The following NUCB2 variants were observed in gnomAD, a reference collection of about 807,000 sequenced individuals.
NUCB2 encodes the protein nucleobindin 2.
A neutral mutation model predicts 57.9 loss-of-function variants in NUCB2; 48 were observed. The observed-to-expected ratio is 0.83, with a 90% confidence interval of 0.66 to 1.05. The LOEUF (loss-of-function observed/expected upper bound fraction) is 1.05. NUCB2 is among the 50% of genes least tolerant of loss of function. The probability of loss-of-function intolerance (pLI) is 0.00; values close to 1 mark genes in which losing one functional copy is unlikely to be tolerated. For synonymous variants in NUCB2, 139 were observed against 152.1 expected, an observed-to-expected ratio of 0.91 and a Z score of 0.64; for missense variants, 442 against 476.2, an observed-to-expected ratio of 0.93 and a Z score of 0.67.
At chr11:17,339,045 T>G (rs1343731479) in intron 2 of NUCB2, among the ~76,000 whole-genome samples, 6 of 152,068 alleles carry the variant, frequency 3.9e-5, no homozygotes. Context: ...TGGAGTGCAG[T>G]GGCGCAATCT....
At chr11:17,317,717 C>A in intron 11 of NUCB2, 1 of 176,132 alleles carries the variant, frequency 5.7e-6, no homozygotes, top group South Asian at 1.1e-4. Flanking sequence ...GTAATGGTAG[C>A]TTTGATCATT....
In NUCB2 at chr11:17,348,512, A is replaced by AT. The variant is rs1192434728; in HGVS notation, n.2627-825dup. On this transcript the variant is annotated intron_variant and non_coding_transcript_variant, in intron 2 of 2. Coordinates refer to the NUCB2 transcript ENST00000532240. ...ACCACCACACCCAGCTAATATCTTG[A>AT]TTTTTTTTGTGGAGATGGGGCCTCA... Among the ~76,000 whole-genome samples the AT allele has an allele frequency of 1.3e-4, 19 of 150,556 alleles. No homozygotes were observed. In the East Asian group the frequency reaches 2.1e-3, roughly 17 times the overall value.
chr11:17,333,708 A>G (rs1157063809), downstream of NUCB2: 1 of 152,156 alleles, frequency 6.6e-6, no homozygotes. Flanking sequence ...GAAAATTCTT[A>G]AGGGAAGGTT....
At chr11:17,328,096 C>T (rs569194018) in intron 11 of NUCB2, among the ~76,000 whole-genome samples, 11 of 152,304 alleles carry the variant, frequency 7.2e-5, no homozygotes, top group Admixed American at 1.3e-4. Context: ...AGGTATTCCA[C>T]GGGACTTGGG....
At chr11:17,291,961 A>G (rs892927751) in intron 2 of NUCB2, among the ~76,000 whole-genome samples, 1 of 152,178 alleles carries the variant, frequency 6.6e-6, no homozygotes, top group South Asian at 2.1e-4. Flanking sequence ...GTTTAAAGGC[A>G]TTTACAAGTC....
At chr11:17,329,969 C>T (rs540782297) in intron 11 of NUCB2, among the ~76,000 whole-genome samples, 158 bp from the exon 12 acceptor site, 1 of 152,242 alleles carries the variant, frequency 6.6e-6, no homozygotes, top group South Asian at 2.1e-4. Context: ...CAAATGAGTA[C>T]ATAAATATAT....
chr11:17,316,351 A>T (rs1949244946), intron 11 of NUCB2, among the ~76,000 whole-genome samples: 2 of 152,240 alleles, frequency 1.3e-5, no homozygotes, highest in South Asian at 4.1e-4. Context: ...TTAAAAATTT[A>T]ACAATATTTC....
chr11:17,289,614 A>G (rs879897310), intron 2 of NUCB2, among the ~76,000 whole-genome samples: 7 of 152,214 alleles, frequency 4.6e-5, no homozygotes, highest in Non-Finnish European at 1.0e-4. Flanking sequence ...GCCACCATCC[A>G]TCAACCCCAT....
intron 11 of NUCB2, chr11:17,317,681 G>A: frequency 4.3e-6 from 1 of 232,598 alleles, no homozygotes; most frequent in Admixed American, 4.5e-5. Context: ...CTATTAGAAG[G>A]CACATGTTGA....
At chr11:17,338,860 C>T (rs928002156) in intron 2 of NUCB2, among the ~76,000 whole-genome samples, 9 of 152,112 alleles carry the variant, frequency 5.9e-5, no homozygotes, top group African/African-American at 2.2e-4. Flanking sequence ...GATGGGGTTT[C>T]ACCATGGTGG....
chr11:17,315,384 A>G lies in NUCB2; in HGVS notation c.913-2A>G, dbSNP rs570712491. ...ATTATGTATACATTTTGTTTTAATC[A>G]GGTTGATACTAACAAAGACAGATTG... On this transcript the variant is annotated splice_acceptor_variant, in intron 10 of 13. Transcript: ENST00000529010. LOFTEE classifies it high-confidence loss of function. 3 of 1,566,444 alleles carry G rather than the reference A, an allele frequency of 1.9e-6. No individual in the cohort carries two copies. Among genetic ancestry groups the G allele is most frequent in the African/African-American group, 2.7e-5 (2 of 73,718 alleles).
At chr11:17,282,242 A>G (rs393405) in intron 1 of NUCB2, among the ~76,000 whole-genome samples, 1,909 of 119,532 alleles carry the variant, frequency 0.016, 26 homozygotes, top group African/African-American at 0.028. Flanking sequence ...CTATCTATAT[A>G]TATATATATA....
chr11:17,281,773 C>T (rs748672723), intron 1 of NUCB2, among the ~76,000 whole-genome samples: 1 of 151,946 alleles, frequency 6.6e-6, no homozygotes, highest in South Asian at 2.1e-4. Context: ...GATTACTCTC[C>T]TGCATAGATT....
intron 2 of NUCB2, among the ~76,000 whole-genome samples, chr11:17,343,542 T>C (rs1952465690): frequency 6.6e-6 from 1 of 152,210 alleles, no homozygotes; most frequent in African/African-American, 2.4e-5. Flanking sequence ...TTTGGCCTAT[T>C]TTGCTTCCAT....
At chr11:17,311,101 G>T in intron 7 of NUCB2, 91 bp downstream of exon 7, 1 of 1,409,376 alleles carries the variant, frequency 7.1e-7, no homozygotes, top group East Asian at 2.3e-5. Context: ...CTTAAATCTT[G>T]ATTCTTCTGC....
intron 2 of NUCB2, among the ~76,000 whole-genome samples, chr11:17,342,868 T>G (rs943565541): frequency 2.0e-5 from 3 of 152,206 alleles, no homozygotes; most frequent in African/African-American, 7.2e-5. Flanking sequence ...TGGATATCCC[T>G]GTTAACTTTC....
chr11:17,319,393 C>T (rs938672681), intron 11 of NUCB2, among the ~76,000 whole-genome samples: 14 of 152,160 alleles, frequency 9.2e-5, no homozygotes, highest in African/African-American at 3.4e-4. Context: ...ATGTTCAAGG[C>T]TTACCTTATT....
intron 2 of NUCB2, among the ~76,000 whole-genome samples, chr11:17,293,355 G>T (rs1430209782): frequency 2.6e-5 from 4 of 152,006 alleles, no homozygotes; most frequent in African/African-American, 9.7e-5. Context: ...CTTATTTATG[G>T]TAGTCTTGGC....
At chr11:17,316,278 T>A (rs1176790816) in intron 11 of NUCB2, among the ~76,000 whole-genome samples, 1 of 152,210 alleles carries the variant, frequency 6.6e-6, no homozygotes, top group African/African-American at 2.4e-5. Context: ...CCAGTCATAT[T>A]TATGTATTTT....
Sources: gnomAD v4.1 joint callset for allele counts (sites outside exome capture counted in the v4.1 genomes callset) on GRCh38, gnomAD v4.1.1 for gene constraint, MANE v1.5 for transcripts, NCBI Gene and HGNC (gene_info 2026-07-23, HGNC 2026-07-21) for gene names.